The following GPC5 variants were observed in gnomAD, a reference collection of about 807,000 sequenced individuals.
GPC5 encodes the protein glypican 5.
Under a neutral mutation model 53.9 loss-of-function variants are expected in GPC5, and 47 were observed. The ratio of observed to expected loss-of-function variants is 0.87; its 90% confidence interval spans 0.69 to 1.11. The LOEUF is 1.11. GPC5 is among the 50% of genes most tolerant of loss of function. The pLI is 0.00. For synonymous variants in GPC5, 286 were observed against 263.3 expected, an observed-to-expected ratio of 1.09 and a Z score of -0.84; for missense variants, 748 against 713.1, an observed-to-expected ratio of 1.05 and a Z score of -0.56.
chr13:92,476,745 G>A (rs1879150814), intron 7 of GPC5, among the ~76,000 whole-genome samples: 1 of 148,814 alleles, frequency 6.7e-6, no homozygotes, highest in Non-Finnish European at 1.5e-5. Flanking sequence ...TCCTTTGTAG[G>A]GACATGGATG....
intron 2 of GPC5, among the ~76,000 whole-genome samples, chr13:91,631,249 T>A (rs573029849): frequency 1.1e-3 from 171 of 152,292 alleles, no homozygotes; most frequent in African/African-American, 3.8e-3. Flanking sequence ...GATTGTTTTT[T>A]AACTGATGGG....
rs144016505 is a variant in GPC5 at position 92,465,080 on chromosome 13, A to G, written c.1561+320091A>G. ...TAAGGAGGGAAGCCAGAATTTGCAA[A>G]ATTAGTTTTCTCCAAAAAGTAGAAA... On this transcript the variant is annotated intron_variant, in intron 7 of 7. Coordinates refer to ENST00000377067, the MANE Select transcript of GPC5 (RefSeq NM_004466.6). Among the ~76,000 whole-genome samples, 41 of 152,124 alleles carry G rather than the reference A, an allele frequency of 2.7e-4. No individual in the cohort carries two copies. The East Asian group carries it at 7.7e-3, about 29-fold the overall frequency.
chr13:92,088,019 C>T (rs2041349447), intron 6 of GPC5, among the ~76,000 whole-genome samples: 1 of 152,002 alleles, frequency 6.6e-6, no homozygotes, highest in South Asian at 2.1e-4. Flanking sequence ...ATCCTCCCAT[C>T]TAGGCCTCCC....
intron 6 of GPC5, among the ~76,000 whole-genome samples, chr13:91,960,195 A>G (rs910587093): frequency 1.3e-5 from 2 of 151,920 alleles, no homozygotes; most frequent in Non-Finnish European, 2.9e-5. Context: ...ACTTCACCAA[A>G]ATACTCTTTA....
chr13:91,606,318 G>A (rs1164233924), intron 2 of GPC5, among the ~76,000 whole-genome samples: 1 of 149,038 alleles, frequency 6.7e-6, no homozygotes, highest in Non-Finnish European at 1.5e-5. Flanking sequence ...CTTGATCATG[G>A]TGGATAAGCT....
At chr13:92,528,681 T>G (rs1240773098) in intron 7 of GPC5, among the ~76,000 whole-genome samples, 1 of 152,098 alleles carries the variant, frequency 6.6e-6, no homozygotes, top group Non-Finnish European at 1.5e-5. Context: ...ACTTTTGGAC[T>G]GTAACATGAA....
intron 2 of GPC5, among the ~76,000 whole-genome samples, chr13:91,468,978 A>C (rs1414367931): frequency 6.6e-6 from 1 of 151,626 alleles, no homozygotes; most frequent in African/African-American, 2.4e-5. Flanking sequence ...CCAGGACTCA[A>C]GCCATCCTCC....
chr13:91,497,267 C>T (rs957223518), intron 2 of GPC5, among the ~76,000 whole-genome samples: 1 of 151,812 alleles, frequency 6.6e-6, no homozygotes, highest in Non-Finnish European at 1.5e-5. Context: ...AATTATGTGT[C>T]AGCTATTATA....
chr13:92,050,777 C>T (rs1348357368), intron 6 of GPC5, among the ~76,000 whole-genome samples: 1 of 152,068 alleles, frequency 6.6e-6, no homozygotes, highest in African/African-American at 2.4e-5. Context: ...TTTCAATCTG[C>T]TTTTTACAAA....
chr13:92,385,771 A>G (rs933802453), intron 7 of GPC5, among the ~76,000 whole-genome samples: 1 of 83,742 alleles, frequency 1.2e-5, no homozygotes, highest in Non-Finnish European at 2.3e-5. Flanking sequence ...ATATACGTAT[A>G]TATACATATA....
intron 7 of GPC5, among the ~76,000 whole-genome samples, chr13:92,269,610 G>T (rs529778508): frequency 1.1e-4 from 16 of 152,198 alleles, no homozygotes; most frequent in African/African-American, 3.6e-4. Context: ...ATTTCACCAT[G>T]TTAGCCAGGA....
At chr13:92,383,618 GAACA>G (rs1289495395) in intron 7 of GPC5, among the ~76,000 whole-genome samples, 1 of 152,100 alleles carries the variant, frequency 6.6e-6, no homozygotes, top group African/African-American at 2.4e-5. Flanking sequence ...GGAAATGCTG[GAACA>G]AACAGTTTTA....
chr13:92,309,188 A>G lies in GPC5; in HGVS notation c.1561+164199A>G, dbSNP rs2043130123. On this transcript the variant is annotated intron_variant, in intron 7 of 7. Coordinates refer to ENST00000377067, the MANE Select transcript of GPC5 (RefSeq NM_004466.6). The stretch of plus-strand genomic sequence containing the variant: ...ACAATAGGAAATGGTAATTGAAGGT[A>G]AAATGTGCAATTTCTGATTGTAAGA... Among the ~76,000 whole-genome samples, 2 of 152,122 alleles carry G rather than the reference A, an allele frequency of 1.3e-5. 1 individual carries two copies. Among genetic ancestry groups the G allele is most frequent in the African/African-American group, 4.8e-5 (2 of 41,462 alleles).
At chr13:92,245,979 A>G (rs1192716186) in intron 7 of GPC5, among the ~76,000 whole-genome samples, 2 of 152,068 alleles carry the variant, frequency 1.3e-5, no homozygotes, top group African/African-American at 4.8e-5. Flanking sequence ...TGTTTAGTAT[A>G]AAGGGGTGAA....
chr13:92,149,490 C>T (rs956144709), intron 7 of GPC5, among the ~76,000 whole-genome samples: 12 of 151,922 alleles, frequency 7.9e-5, no homozygotes, highest in South Asian at 2.1e-4. Context: ...ATAAATAGAA[C>T]TATTGTTTGT....
chr13:92,764,865 G>A (rs1446119385), intron 7 of GPC5, among the ~76,000 whole-genome samples: 2 of 151,892 alleles, frequency 1.3e-5, no homozygotes, highest in Non-Finnish European at 2.9e-5. Context: ...AAAGGGTGGA[G>A]GTCTTAAGTT....
chr13:91,721,064 C>CCTTTCTTTCTTTCTTTCTTT (rs746835528), intron 3 of GPC5, among the ~76,000 whole-genome samples: 4 of 122,252 alleles, frequency 3.3e-5, no homozygotes, highest in Non-Finnish European at 3.4e-5. Flanking sequence ...TCCTTCCTTC[C>CCTTTCTTTCTTTCTTTCTTT]CTTTCTTTCT....
intron 6 of GPC5, among the ~76,000 whole-genome samples, chr13:91,997,828 T>C (rs1272730287): frequency 6.6e-6 from 1 of 152,130 alleles, no homozygotes; most frequent in Non-Finnish European, 1.5e-5. Context: ...CCCCTCTTGG[T>C]TGTTTTAATA....
intron 2 of GPC5, among the ~76,000 whole-genome samples, chr13:91,557,112 G>A (rs1032040738): frequency 3.9e-5 from 6 of 152,070 alleles, no homozygotes; most frequent in Non-Finnish European, 8.8e-5. Flanking sequence ...GTGTTTGGTT[G>A]TAAAAGAAAC....
Sources: allele counts gnomAD v4.1 joint callset (sites outside exome capture counted in the v4.1 genomes callset), GRCh38; gene constraint gnomAD v4.1.1; transcripts MANE v1.5; gene names NCBI Gene and HGNC (gene_info 2026-07-23, HGNC 2026-07-21).